The following TOP6BL variants were observed in gnomAD, a reference collection of about 807,000 sequenced individuals.
TOP6BL encodes the protein TOP6B like initiator of meiotic double strand breaks.
the TOP6BL span, among the ~76,000 whole-genome samples, chr11:66,795,477 T>A: frequency 6.6e-6 from 1 of 151,806 alleles, no homozygotes; most frequent in African/African-American, 2.4e-5. Flanking sequence ...AATTTTTGTG[T>A]TTTTAGTAGA....
chr11:66,836,305 C>T, the TOP6BL span, among the ~76,000 whole-genome samples: 1 of 152,078 alleles, frequency 6.6e-6, no homozygotes, highest in South Asian at 2.1e-4. Context: ...CAAGCTCCAC[C>T]TCCCGGATTC....
chr11:66,786,599 T>C, the TOP6BL span, among the ~76,000 whole-genome samples: 1 of 152,206 alleles, frequency 6.6e-6, no homozygotes, highest in Non-Finnish European at 1.5e-5. Flanking sequence ...AGAATTCAGT[T>C]ATTTACAAAC....
chr11:66,756,848 CT>C, the TOP6BL span, among the ~76,000 whole-genome samples: 2 of 151,986 alleles, frequency 1.3e-5, no homozygotes, highest in Admixed American at 1.3e-4. Context: ...AATAGCTGGA[CT>C]ACAGGTGTGT....
the TOP6BL span, among the ~76,000 whole-genome samples, chr11:66,817,422 G>GGATGAT: frequency 1.7e-4 from 26 of 151,628 alleles, no homozygotes; most frequent in Middle Eastern, 3.4e-3. Context: ...CAGAATCACT[G>GGATGAT]GATGATGATG....
chr11:66,839,072 A>G, the TOP6BL span: 10 of 454,674 alleles, frequency 2.2e-5, no homozygotes, highest in Middle Eastern at 2.6e-3. Context: ...GGAAAGTGTC[A>G]GTGCGTGGGT....
At chr11:66,784,585 C>G in the TOP6BL span, among the ~76,000 whole-genome samples, 1 of 152,234 alleles carries the variant, frequency 6.6e-6, no homozygotes, top group Non-Finnish European at 1.5e-5. Flanking sequence ...AATCTACTTT[C>G]TGTCTCTGTC....
the TOP6BL span, among the ~76,000 whole-genome samples, chr11:66,762,734 G>A: frequency 6.6e-6 from 1 of 152,296 alleles, no homozygotes; most frequent in African/African-American, 2.4e-5. Flanking sequence ...CTGCCAAAGT[G>A]CTGGGATTAC....
the TOP6BL span, among the ~76,000 whole-genome samples, chr11:66,825,317 A>G: frequency 1.4e-5 from 2 of 140,338 alleles, no homozygotes; most frequent in African/African-American, 5.1e-5. Context: ...TGTCACTACT[A>G]AAAAAAAAAA....
the TOP6BL span, chr11:66,788,418 T>C: frequency 1.7e-6 from 1 of 602,752 alleles, no homozygotes; most frequent in Non-Finnish European, 2.9e-6. Flanking sequence ...GTGCAGACAT[T>C]AGATCACCTA....
At chr11:66,780,173 G>T in the TOP6BL span, among the ~76,000 whole-genome samples, 1 of 151,902 alleles carries the variant, frequency 6.6e-6, no homozygotes. Context: ...AGAAACTGTG[G>T]TATTGGCAAA....
At chr11:66,842,864 C>G in the TOP6BL span, 3 of 1,570,670 alleles carry the variant, frequency 1.9e-6, no homozygotes, top group East Asian at 4.7e-5. Context: ...AGCGGGCAAG[C>G]AGAAAACAAG....
chr11:66,779,672 A>T, the TOP6BL span, among the ~76,000 whole-genome samples: 1 of 152,176 alleles, frequency 6.6e-6, no homozygotes, highest in Non-Finnish European at 1.5e-5. Context: ...GTATATACCC[A>T]AAGGATTATA....
At chr11:66,839,500 G>A in the TOP6BL span, among the ~76,000 whole-genome samples, 6 of 152,174 alleles carry the variant, frequency 3.9e-5, no homozygotes, top group Admixed American at 1.3e-4. Flanking sequence ...GGATCGTGAC[G>A]TCAGCACCTA....
At chr11:66,821,587 A>G in the TOP6BL span, 1 of 1,533,988 alleles carries the variant, frequency 6.5e-7, no homozygotes, top group Non-Finnish European at 8.8e-7. Flanking sequence ...GCTTTTGCAG[A>G]TGCACAGTGA....
the TOP6BL span, among the ~76,000 whole-genome samples, chr11:66,745,311 G>GC: frequency 1.3e-5 from 2 of 150,144 alleles, no homozygotes; most frequent in Admixed American, 1.3e-4. Flanking sequence ...TTGCGGGGCG[G>GC]GGTGGGGGGA....
At chr11:66,761,646 G>A in the TOP6BL span, 9 of 1,173,924 alleles carry the variant, frequency 7.7e-6, no homozygotes, top group South Asian at 2.7e-5. Context: ...GGGGCTGTGC[G>A]AAGCTCCACC....
chr11:66,828,382 G>A, the TOP6BL span: 3 of 1,573,036 alleles, frequency 1.9e-6, no homozygotes. Flanking sequence ...TAAATAATCA[G>A]TACTTTGGTG....
At chr11:66,815,795 G>T in the TOP6BL span, 10 of 330,268 alleles carry the variant, frequency 3.0e-5, no homozygotes, top group South Asian at 8.7e-5. Context: ...ATTGTGTAGA[G>T]CTTCTCAGTA....
the TOP6BL span, chr11:66,804,234 G>A: frequency 2.0e-6 from 3 of 1,481,266 alleles, no homozygotes; most frequent in African/African-American, 1.4e-5. Context: ...CTTTGAAATG[G>A]GTTTTTATAT....
Sources: gnomAD v4.1 joint callset for allele counts (sites outside exome capture counted in the v4.1 genomes callset) on GRCh38, gnomAD v4.1.1 for gene constraint, MANE v1.5 for transcripts, NCBI Gene and HGNC (gene_info 2026-07-23, HGNC 2026-07-21) for gene names.